The following HIBADH variants were observed in gnomAD, a reference collection of about 807,000 sequenced individuals.
The protein encoded by HIBADH is 3-hydroxyisobutyrate dehydrogenase.
Under a neutral mutation model 36.1 loss-of-function variants are expected in HIBADH, and 25 were observed. That is an observed-to-expected ratio of 0.69 (90% confidence interval 0.50 to 0.97). The LOEUF is 0.97. Among genes scored for constraint, HIBADH ranks in the 50% least tolerant of loss-of-function variants. The pLI, the probability that HIBADH is intolerant of heterozygous loss-of-function variation, is 0.00. For synonymous variants in HIBADH, 160 were observed against 149.5 expected, an observed-to-expected ratio of 1.07 and a Z score of -0.51; for missense variants, 421 against 418.0, an observed-to-expected ratio of 1.01 and a Z score of -0.06.
chr7:27,583,633 T>C (rs1784821985), intron 4 of HIBADH, among the ~76,000 whole-genome samples: 1 of 152,050 alleles, frequency 6.6e-6, no homozygotes, highest in African/African-American at 2.4e-5. Flanking sequence ...ACATCACTGA[T>C]TCATAATATG....
intron 6 of HIBADH, 133 bp downstream of exon 6, chr7:27,538,208 C>T (rs552497022): frequency 1.4e-6 from 1 of 690,736 alleles, no homozygotes; most frequent in African/African-American, 1.8e-5. Flanking sequence ...TATTAAAGTT[C>T]AATAATGAAG....
At chr7:27,594,918 C>A (rs1785005288) in intron 4 of HIBADH, among the ~76,000 whole-genome samples, 1 of 152,112 alleles carries the variant, frequency 6.6e-6, no homozygotes, top group Admixed American at 6.5e-5. Flanking sequence ...TCTACGCTCA[C>A]CCCTTCAACT....
chr7:27,574,576 G>A (rs1376387349), intron 4 of HIBADH, among the ~76,000 whole-genome samples: 1 of 151,762 alleles, frequency 6.6e-6, no homozygotes. Flanking sequence ...ACATAGATAG[G>A]TTCAGACATG....
chr7:27,607,240 C>A (rs1438559084), intron 4 of HIBADH, among the ~76,000 whole-genome samples: 1 of 124,660 alleles, frequency 8.0e-6, no homozygotes, highest in African/African-American at 3.3e-5. Flanking sequence ...GGCGCCATGG[C>A]TCACACCTAT....
chr7:27,651,229 G>A (rs1049325601), intron 1 of HIBADH, among the ~76,000 whole-genome samples: 2 of 152,176 alleles, frequency 1.3e-5, no homozygotes, highest in South Asian at 2.1e-4. Context: ...TTAAGAACTA[G>A]AGGTCTTCTT....
intron 1 of HIBADH, among the ~76,000 whole-genome samples, chr7:27,655,217 A>G (rs987964910): frequency 6.6e-6 from 1 of 152,230 alleles, no homozygotes; most frequent in Non-Finnish European, 1.5e-5. Context: ...ACTTTAAAAA[A>G]AAGCTAGCCT....
chr7:27,614,983 A>G (rs1008498454), intron 4 of HIBADH, among the ~76,000 whole-genome samples: 3 of 152,192 alleles, frequency 2.0e-5, no homozygotes, highest in Non-Finnish European at 4.4e-5. Flanking sequence ...TGGCTTCTCA[A>G]TGATTCTTCT....
chr7:27,607,581 C>T (rs902628449), intron 4 of HIBADH, among the ~76,000 whole-genome samples: 3 of 152,156 alleles, frequency 2.0e-5, no homozygotes, highest in African/African-American at 7.2e-5. Context: ...TGCTCTTATT[C>T]CTTTCTCAAA....
At chr7:27,650,639 C>A (rs548758738) in intron 1 of HIBADH, among the ~76,000 whole-genome samples, 5 of 150,134 alleles carry the variant, frequency 3.3e-5, no homozygotes, top group African/African-American at 4.9e-5. Context: ...ATCACAGACA[C>A]GCACCACCAT....
At chr7:27,570,981 A>G (rs1784619616) in intron 4 of HIBADH, among the ~76,000 whole-genome samples, 2 of 152,116 alleles carry the variant, frequency 1.3e-5, no homozygotes, top group Non-Finnish European at 2.9e-5. Flanking sequence ...AACTCCAATT[A>G]GATGCATGCA....
chr7:27,534,107 T>A (rs999633989), intron 6 of HIBADH, among the ~76,000 whole-genome samples: 4 of 152,180 alleles, frequency 2.6e-5, no homozygotes, highest in Admixed American at 6.5e-5. Context: ...TCTACTCACC[T>A]CTAAAACAAG....
At chr7:27,626,168 T>C (rs990297393) in intron 4 of HIBADH, among the ~76,000 whole-genome samples, 51 of 144,330 alleles carry the variant, frequency 3.5e-4, no homozygotes, top group Non-Finnish European at 5.8e-4. Flanking sequence ...ACCAACCCCA[T>C]TTTACATGAT....
At chr7:27,536,271 C>T (rs1784068811) in intron 6 of HIBADH, among the ~76,000 whole-genome samples, 1 of 151,894 alleles carries the variant, frequency 6.6e-6, no homozygotes, top group South Asian at 2.1e-4. Flanking sequence ...TGATAAAATC[C>T]TCATGTTATG....
At chr7:27,572,532 G>T (rs929734155) in intron 4 of HIBADH, among the ~76,000 whole-genome samples, 4 of 152,214 alleles carry the variant, frequency 2.6e-5, no homozygotes, top group Admixed American at 6.5e-5. Flanking sequence ...GCAGAATGTT[G>T]CTTTTATGAC....
chr7:27,594,049 TA>T (rs1212706581), intron 4 of HIBADH, among the ~76,000 whole-genome samples: 2 of 146,842 alleles, frequency 1.4e-5, no homozygotes, highest in African/African-American at 2.5e-5. Flanking sequence ...AATAAATAAA[TA>T]AATAAATAAA....
At chr7:27,581,825 C>T (rs558412445) in intron 4 of HIBADH, among the ~76,000 whole-genome samples, 1 of 151,206 alleles carries the variant, frequency 6.6e-6, no homozygotes, top group Admixed American at 6.6e-5. Context: ...AAATGAGATT[C>T]TATTACAAAA....
chr7:27,534,278 C>T lies in HIBADH; in HGVS notation c.696-2930G>A, dbSNP rs141185064. Among the ~76,000 whole-genome samples the T allele has an allele frequency of 3.4e-3, 511 of 152,118 alleles. 6 individuals are homozygous for T. The highest frequency in any genetic ancestry group is 0.011 in the African/African-American group (461 of 41,498). On this transcript the variant is annotated intron_variant, in intron 6 of 7. Coordinates refer to ENST00000265395, the MANE Select transcript of HIBADH (RefSeq NM_152740.4). ...TATACTGTCTGGTTTCACGTAAGAA[C>T]GAAATAAATTATGTCACTAAACTGG...
intron 4 of HIBADH, among the ~76,000 whole-genome samples, chr7:27,620,109 C>T (rs1785510961): frequency 6.6e-6 from 1 of 152,098 alleles, no homozygotes; most frequent in Non-Finnish European, 1.5e-5. Flanking sequence ...CGCTTGAGCC[C>T]AGGAGTTTGA....
At chr7:27,533,315 A>C (rs537561795) in intron 6 of HIBADH, among the ~76,000 whole-genome samples, 1 of 152,268 alleles carries the variant, frequency 6.6e-6, no homozygotes, top group East Asian at 1.9e-4. Flanking sequence ...TGATTGATGG[A>C]AACCCTTTCT....
Sources: gnomAD v4.1 joint callset for allele counts (sites outside exome capture counted in the v4.1 genomes callset) on GRCh38, gnomAD v4.1.1 for gene constraint, MANE v1.5 for transcripts, NCBI Gene and HGNC (gene_info 2026-07-23, HGNC 2026-07-21) for gene names.